Variants in ENPP2 observed in about 807,000 individuals in gnomAD.
The protein encoded by ENPP2 is ectonucleotide pyrophosphatase/phosphodiesterase 2, also known as autotaxin.
In ENPP2, 51 loss-of-function variants were observed where a neutral mutation model predicts 120.2. The observed-to-expected ratio is 0.42, with a 90% CI of 0.34 to 0.54. The LOEUF (loss-of-function observed/expected upper bound fraction) is 0.54. Ranked by LOEUF, ENPP2 falls within the 20% of genes least tolerant of loss-of-function variation. ENPP2 has a pLI of 0.04. For missense variants in ENPP2, 920 were observed against 1,066.5 expected (o/e 0.86, Z 1.91); for synonymous variants, 365 against 366.4 (o/e 1.00, Z 0.04).
chr8:119,564,253 A>C (rs1814210711), intron 23 of ENPP2, among the ~76,000 whole-genome samples: 1 of 152,136 alleles, frequency 6.6e-6, no homozygotes. Context: ...CCCATTGAAG[A>C]GCTGTTGAAG....
chr8:119,630,365 T>C (rs766563087), intron 2 of ENPP2, among the ~76,000 whole-genome samples: 3 of 152,084 alleles, frequency 2.0e-5, no homozygotes, highest in Non-Finnish European at 4.4e-5. Context: ...ACTTTGGCCT[T>C]CCAAAGTGCT....
intron 2 of ENPP2, among the ~76,000 whole-genome samples, chr8:119,633,103 A>G (rs1415974050): frequency 6.6e-6 from 1 of 152,202 alleles, no homozygotes; most frequent in Non-Finnish European, 1.5e-5. Context: ...GTTCCATAAG[A>G]TACAACAAAA....
upstream of ENPP2, among the ~76,000 whole-genome samples, chr8:119,639,138 G>A (rs931603910): frequency 2.6e-5 from 4 of 152,154 alleles, no homozygotes; most frequent in Admixed American, 6.5e-5. Flanking sequence ...TTGTCAAAAA[G>A]AAACCAAATG....
chr8:119,668,256 C>T (rs978349260), intron 1 of ENPP2, among the ~76,000 whole-genome samples: 5 of 151,986 alleles, frequency 3.3e-5, no homozygotes, highest in Non-Finnish European at 5.9e-5. Flanking sequence ...GAGTGGTTGC[C>T]ACATATTAGG....
chr8:119,591,999 C>T (rs760026200), intron 12 of ENPP2, among the ~76,000 whole-genome samples: 1 of 152,166 alleles, frequency 6.6e-6, no homozygotes, highest in Non-Finnish European at 1.5e-5. Flanking sequence ...ATGCTAAGTG[C>T]TCCTCAAGCG....
At chr8:119,585,334 T>G (rs1437174865) in intron 15 of ENPP2, among the ~76,000 whole-genome samples, 1 of 152,248 alleles carries the variant, frequency 6.6e-6, no homozygotes, top group African/African-American at 2.4e-5. Context: ...GATATTTATG[T>G]ATCTGTCAAA....
chr8:119,606,023 A>T (rs1190380671), intron 9 of ENPP2, among the ~76,000 whole-genome samples: 2 of 152,248 alleles, frequency 1.3e-5, no homozygotes, highest in Admixed American at 1.3e-4. Flanking sequence ...GAACCATGTT[A>T]AAAAGATGGC....
chr8:119,577,021 A>G (rs996860011), intron 19 of ENPP2, among the ~76,000 whole-genome samples: 5 of 152,204 alleles, frequency 3.3e-5, no homozygotes, highest in African/African-American at 1.2e-4. Flanking sequence ...TATCCCTGTG[A>G]TCGTTTCACT....
At chr8:119,573,975 T>G (rs1325736608) in intron 19 of ENPP2, among the ~76,000 whole-genome samples, 3 of 151,974 alleles carry the variant, frequency 2.0e-5, no homozygotes, top group African/African-American at 7.2e-5. Flanking sequence ...AATACAGTGG[T>G]TTTTACAGCC....
At chr8:119,560,241 A>G (rs543448528) in intron 24 of ENPP2, among the ~76,000 whole-genome samples, 1 of 152,284 alleles carries the variant, frequency 6.6e-6, no homozygotes, top group South Asian at 2.1e-4. Flanking sequence ...ATCCCATAAT[A>G]CAACAGTTTA....
chr8:119,557,775 T>G, intron 24 of ENPP2, 84 bp from the exon 25 acceptor site: 1 of 1,198,848 alleles, frequency 8.3e-7, no homozygotes, highest in Non-Finnish European at 1.2e-6. Context: ...AGTCCACAAA[T>G]GACCTCTGTG....
intron 23 of ENPP2, among the ~76,000 whole-genome samples, chr8:119,564,397 G>C (rs888145453): frequency 6.6e-6 from 1 of 152,056 alleles, no homozygotes; most frequent in African/African-American, 2.4e-5. Context: ...ATAAATTCAG[G>C]CTGGGCACAG....
chr8:119,581,752 T>C (rs1019239307), intron 18 of ENPP2, among the ~76,000 whole-genome samples: 2 of 149,020 alleles, frequency 1.3e-5, no homozygotes, highest in Non-Finnish European at 3.0e-5. Flanking sequence ...ACTCTCTCTT[T>C]TTTTCATTTC....
chr8:119,593,918 C>G (rs116866049), intron 11 of ENPP2, 58 bp from the exon 12 acceptor site: 1 of 963,166 alleles, frequency 1.0e-6, no homozygotes, highest in Non-Finnish European at 1.7e-6. Flanking sequence ...CTTTCAGTCT[C>G]TCATAGATCT....
At chr8:119,599,499 T>C (rs1329598929) in intron 11 of ENPP2, among the ~76,000 whole-genome samples, 3 of 152,220 alleles carry the variant, frequency 2.0e-5, no homozygotes, top group Non-Finnish European at 4.4e-5. Context: ...AACTTAATTA[T>C]AGTCAGCAGT....
upstream of ENPP2, among the ~76,000 whole-genome samples, chr8:119,642,081 A>C (rs541543317): frequency 1.3e-5 from 2 of 152,256 alleles, no homozygotes; most frequent in Admixed American, 1.3e-4. Context: ...TGATGCCTTG[A>C]TCTATTTATA....
At chr8:119,587,908 C>A (rs1563700516) in intron 13 of ENPP2, among the ~76,000 whole-genome samples, 1 of 152,194 alleles carries the variant, frequency 6.6e-6, no homozygotes, top group Non-Finnish European at 1.5e-5. Flanking sequence ...CATGAGGCAG[C>A]CCTCCCTGGC....
At chr8:119,662,314 T>A (rs539018324) in intron 1 of ENPP2, among the ~76,000 whole-genome samples, 1 of 152,204 alleles carries the variant, frequency 6.6e-6, no homozygotes, top group African/African-American at 2.4e-5. Flanking sequence ...AATGTTTTAT[T>A]TGTCAATTAA....
chr8:119,673,221 G>C (rs1330910145), intron 1 of ENPP2: 1 of 1,522,706 alleles, frequency 6.6e-7, no homozygotes, highest in Non-Finnish European at 8.8e-7. Context: ...CCAAGCAATG[G>C]AGGACGGGTA....
Sources: allele counts gnomAD v4.1 joint callset (sites outside exome capture counted in the v4.1 genomes callset), GRCh38; gene constraint gnomAD v4.1.1; transcripts MANE v1.5; gene names NCBI Gene and HGNC (gene_info 2026-07-23, HGNC 2026-07-21).